Variants in VPS8 observed in about 807,000 individuals in gnomAD.
VPS8 encodes VPS8 subunit of CORVET complex.
A neutral mutation model predicts 216.4 loss-of-function variants in VPS8; 129 were observed. That is an observed-to-expected ratio of 0.60 (90% CI 0.52 to 0.69). The LOEUF (loss-of-function observed/expected upper bound fraction) is 0.69. Among genes scored for constraint, VPS8 ranks in the 30% least tolerant of loss-of-function variants. The pLI is 0.00. For missense variants in VPS8, 1,531 were observed against 1,683.5 expected (o/e 0.91, Z 1.59); for synonymous variants, 571 against 565.4 (o/e 1.01, Z -0.14).
At chr3:184,861,456 GCAGA>G (rs1478041111) in intron 15 of VPS8, among the ~76,000 whole-genome samples, 4 of 152,056 alleles carry the variant, frequency 2.6e-5, no homozygotes, top group African/African-American at 7.2e-5. Context: ...TTTTTAACTC[GCAGA>G]CAGTTGTTTA....
chr3:184,833,272 A>G (rs767969309), intron 4 of VPS8, among the ~76,000 whole-genome samples: 6 of 152,184 alleles, frequency 3.9e-5, no homozygotes, highest in Non-Finnish European at 5.9e-5. Context: ...AACCCTAAAT[A>G]ACTTAAATTT....
intron 44 of VPS8, among the ~76,000 whole-genome samples, chr3:184,997,380 G>A (rs1257175289): frequency 1.3e-5 from 2 of 152,194 alleles, no homozygotes; most frequent in African/African-American, 4.8e-5. Context: ...GGTTTTGTGA[G>A]GATTGAATGA....
intron 42 of VPS8, among the ~76,000 whole-genome samples, chr3:184,983,789 C>T (rs12634292): frequency 7.3e-6 from 1 of 136,932 alleles, no homozygotes; most frequent in African/African-American, 2.6e-5. Flanking sequence ...CCGCCCCCCT[C>T]CCACACACAT....
At chr3:184,999,929 A>T (rs949949635) in intron 45 of VPS8, 68 bp downstream of exon 45, 4 of 1,489,866 alleles carry the variant, frequency 2.7e-6, no homozygotes, top group African/African-American at 2.8e-5. Context: ...GCCTGGTCTC[A>T]TTTCCTTCGG....
chr3:184,926,599 T>C lies in VPS8; in HGVS notation c.2580T>C (p.Leu860=), dbSNP rs1739697515. 1 of 1,601,144 alleles carries C rather than the reference T, an allele frequency of 6.2e-7. No homozygotes were observed. The highest frequency in any genetic ancestry group is 2.2e-5 in the East Asian group (1 of 44,562). Residue 860 remains leucine (L), a synonymous_variant, in exon 31 of 48, where the codon CTT becomes CTC. Transcript: ENST00000625842. The stretch of plus-strand genomic sequence containing the variant: ...AATACTTTTTCTTCGGCCAGGTCCT[T>C]GAATTCCTTTGTAGTCCTGACGATG... ...FVNRTLFDQV[L]EFLCSPDDDS...
At chr3:184,822,482 TTCTG>T (rs1334182315) in intron 1 of VPS8, among the ~76,000 whole-genome samples, 1 of 152,222 alleles carries the variant, frequency 6.6e-6, no homozygotes, top group East Asian at 1.9e-4. Flanking sequence ...TTGTTTTCCT[TTCTG>T]AGTTATTTTG....
At chr3:185,019,888 G>T (rs1308960500) in intron 45 of VPS8, among the ~76,000 whole-genome samples, 1 of 152,186 alleles carries the variant, frequency 6.6e-6, no homozygotes, top group East Asian at 1.9e-4. Flanking sequence ...CGTCACTTTG[G>T]TTCAGGCCAG....
chr3:184,896,877 A>C (rs2108956065), intron 23 of VPS8, among the ~76,000 whole-genome samples: 1 of 152,342 alleles, frequency 6.6e-6, no homozygotes, highest in East Asian at 1.9e-4. Flanking sequence ...GGCTAATTAT[A>C]GATAGTCTTT....
chr3:184,973,736 C>T (rs989433519), intron 40 of VPS8, among the ~76,000 whole-genome samples: 2 of 152,130 alleles, frequency 1.3e-5, no homozygotes, highest in African/African-American at 4.8e-5. Context: ...AACCATTCTA[C>T]TCTATTCCTC....
intron 22 of VPS8, among the ~76,000 whole-genome samples, chr3:184,889,435 C>T (rs569817272): frequency 4.9e-4 from 75 of 152,232 alleles, no homozygotes; most frequent in Non-Finnish European, 8.2e-4. Context: ...TCTTCCTCCT[C>T]CTGCTCTTAC....
intron 14 of VPS8, among the ~76,000 whole-genome samples, chr3:184,857,228 G>A (rs1725425235): frequency 6.6e-6 from 1 of 152,252 alleles, no homozygotes. Context: ...GGGGTGGATT[G>A]ATAGTAGGGG....
intron 42 of VPS8, among the ~76,000 whole-genome samples, chr3:184,987,041 T>TA (rs1166044893): frequency 1.3e-5 from 2 of 152,130 alleles, no homozygotes; most frequent in Non-Finnish European, 1.5e-5. Context: ...TACCATATCA[T>TA]ACACTGCTCT....
intron 46 of VPS8, among the ~76,000 whole-genome samples, chr3:185,045,724 G>A (rs1266284510): frequency 7.5e-6 from 1 of 133,704 alleles, no homozygotes; most frequent in Admixed American, 7.7e-5. Flanking sequence ...CTGAGATCAC[G>A]CCACTGCACT....
At chr3:184,969,994 C>T (rs1305996135) in intron 39 of VPS8, among the ~76,000 whole-genome samples, 1 of 145,230 alleles carries the variant, frequency 6.9e-6, no homozygotes, top group African/African-American at 2.5e-5. Flanking sequence ...ACTGCAACCT[C>T]TGCCTCCCAG....
rs909824011 is a variant in VPS8 at position 184,832,858 on chromosome 3, G to T, written c.353+39G>T. Reference sequence around the variant, plus strand: ...TCAATCATACTTGCTTACAGTTGAAGTATTCAATTGTTTCAAATGTAAATA... The same window carrying T: ...TCAATCATACTTGCTTACAGTTGAATTATTCAATTGTTTCAAATGTAAATA... On this transcript the variant is annotated intron_variant, in intron 4 of 47. Transcript: ENST00000625842. The T allele has an allele frequency of 7.6e-6, 12 of 1,580,164 alleles. 1 individual carries two copies. The Admixed American group carries it at 1.7e-4, about 22-fold the overall frequency.
intron 36 of VPS8, among the ~76,000 whole-genome samples, chr3:184,953,617 G>T (rs1745089677): frequency 6.6e-6 from 1 of 152,176 alleles, no homozygotes; most frequent in Non-Finnish European, 1.5e-5. Context: ...TGGTTGTGGT[G>T]CAGGTTTCAG....
chr3:184,930,708 A>G (rs1007329096), intron 34 of VPS8, 140 bp downstream of exon 34: 1 of 620,988 alleles, frequency 1.6e-6, no homozygotes, highest in Non-Finnish European at 2.9e-6. Flanking sequence ...TAATTATTCT[A>G]CCTCATATTT....
chr3:184,856,470 G>A (rs1045389901), intron 14 of VPS8, among the ~76,000 whole-genome samples: 14 of 152,206 alleles, frequency 9.2e-5, no homozygotes, highest in African/African-American at 3.4e-4. Flanking sequence ...GCAAGAATGT[G>A]CCTTTGTATT....
At chr3:184,835,079 GT>G (rs369827119) in intron 5 of VPS8, 45 of 157,254 alleles carry the variant, frequency 2.9e-4, no homozygotes, top group East Asian at 2.0e-3. Context: ...TTGTGTGCTT[GT>G]TTTTTTTTTC....
Sources: gnomAD v4.1 joint callset for allele counts (sites outside exome capture counted in the v4.1 genomes callset) on GRCh38, gnomAD v4.1.1 for gene constraint, MANE v1.5 for transcripts, NCBI Gene and HGNC (gene_info 2026-07-23, HGNC 2026-07-21) for gene names.